Variants in WDR11 observed in about 807,000 individuals in gnomAD.
The protein encoded by WDR11 is WD repeat domain 11.
Under a neutral mutation model 151.2 loss-of-function variants are expected in WDR11, and 83 were observed. The ratio of observed to expected loss-of-function variants is 0.55; its 90% CI spans 0.46 to 0.66. The LOEUF is 0.66. Ranked by LOEUF, WDR11 falls within the 30% of genes least tolerant of loss-of-function variation. The pLI, the probability that WDR11 is intolerant of heterozygous loss-of-function variation, is 0.00. For missense variants in WDR11, 1,301 were observed against 1,480.9 expected (o/e 0.88, Z 1.99); for synonymous variants, 484 against 533.1 (o/e 0.91, Z 1.27).
At chr10:120,851,746 G>T in intron 1 of WDR11, 1 of 596,178 alleles carries the variant, frequency 1.7e-6, no homozygotes, top group South Asian at 1.9e-5. Flanking sequence ...TTTCTCTGCT[G>T]TTTTCTCTGC....
chr10:120,878,718 T>G (rs1289148595), intron 12 of WDR11, among the ~76,000 whole-genome samples: 2 of 152,204 alleles, frequency 1.3e-5, no homozygotes, highest in East Asian at 3.9e-4. Flanking sequence ...AGGATACCGG[T>G]TCTACTTTTA....
chr10:120,903,311 A>G (rs1847900815), intron 23 of WDR11, 79 bp downstream of exon 23: 2 of 1,526,544 alleles, frequency 1.3e-6, no homozygotes, highest in Non-Finnish European at 1.8e-6. Context: ...TAAACTTGGG[A>G]AACTTTCAAA....
intron 1 of WDR11, chr10:120,851,765 C>T (rs1192178496): frequency 3.5e-6 from 2 of 572,050 alleles, no homozygotes; most frequent in East Asian, 6.0e-5. Flanking sequence ...GCACCTCGCC[C>T]TTTTGCCGTT....
chr10:120,853,818 G>A (rs915958179), intron 2 of WDR11, among the ~76,000 whole-genome samples: 2 of 152,174 alleles, frequency 1.3e-5, no homozygotes, highest in African/African-American at 4.8e-5. Flanking sequence ...GAGAGTAAGA[G>A]AATAGAGTGA....
chr10:120,866,148 T>G (rs1846304610), intron 7 of WDR11, among the ~76,000 whole-genome samples: 1 of 152,144 alleles, frequency 6.6e-6, no homozygotes, highest in Non-Finnish European at 1.5e-5. Flanking sequence ...AGTCTTATCT[T>G]GGAGAATGGA....
At chr10:120,860,889 A>G (rs1311297910) in intron 4 of WDR11, among the ~76,000 whole-genome samples, 2 of 152,180 alleles carry the variant, frequency 1.3e-5, no homozygotes, top group Admixed American at 6.5e-5. Flanking sequence ...AGCTATTGCT[A>G]CTCTTCTGGG....
chr10:120,901,351 C>T (rs1847807677), intron 21 of WDR11, among the ~76,000 whole-genome samples: 1 of 152,162 alleles, frequency 6.6e-6, no homozygotes, highest in South Asian at 2.1e-4. Flanking sequence ...GATCTCACAT[C>T]AAGGCAGGAC....
At chr10:120,897,790 A>G (rs980325283) in intron 19 of WDR11, among the ~76,000 whole-genome samples, 1 of 152,198 alleles carries the variant, frequency 6.6e-6, no homozygotes, top group African/African-American at 2.4e-5. Flanking sequence ...ATTTTTAAAA[A>G]TAATACAGCT....
At chr10:120,888,400 C>T (rs552559718) in intron 16 of WDR11, among the ~76,000 whole-genome samples, 1 of 152,338 alleles carries the variant, frequency 6.6e-6, no homozygotes, top group African/African-American at 2.4e-5. Context: ...GACTGCAGAG[C>T]CCAGGCTGCT....
At position 120,885,842 on chromosome 10, in the gene WDR11, G is replaced by T; in HGVS notation, c.1877G>T (p.Ser626Ile). Residue 626 changes from serine to isoleucine, a missense_variant, in exon 15 of 29, where the codon AGC becomes ATC. Ser to Ile is a moderately radical substitution (Grantham distance 142). Coordinates refer to ENST00000263461, the MANE Select transcript of WDR11 (RefSeq NM_018117.12). ...TGGTCACCATCTCACAACTTGAAGAGCCTGAGAAAGAAGCAACTTGCAACT... is the reference window on the plus strand; with the variant it reads ...TGGTCACCATCTCACAACTTGAAGATCCTGAGAAAGAAGCAACTTGCAACT... ...LEWSPSHNLK[S>I]LRKKQLATRE... 1 of 1,613,792 alleles carries T rather than the reference G, an allele frequency of 6.2e-7. No homozygotes were observed. Among genetic ancestry groups the T allele is most frequent in the Non-Finnish European group, 8.5e-7 (1 of 1,179,814 alleles).
In WDR11 at chr10:120,908,599, GA is replaced by G; in HGVS notation, c.3563del (p.Lys1188ArgfsTer24). 1 of 1,614,226 alleles carries G rather than the reference GA, an allele frequency of 6.2e-7. No homozygotes were observed. Among genetic ancestry groups the G allele is most frequent in the Non-Finnish European group, 8.5e-7 (1 of 1,180,028 alleles). On this transcript the variant is annotated frameshift_variant, in exon 29 of 29. Transcript: ENST00000263461. LOFTEE classifies it high-confidence loss of function. Reference protein sequence around the residue: ...AIYADYARSLKNLGFKQGAVL... With the variant: ...AIYADYARSLXNLGFKQGAVL... ...TATATGCAGATTATGCCCGGAGTTT[GA>G]AGAACCTCGGTTTTAAGCAGGGAGC...
chr10:120,908,853 T>C lies in WDR11; in HGVS notation c.*140T>C. 2 of 888,418 alleles carry C rather than the reference T, an allele frequency of 2.3e-6. No homozygotes were observed. The highest frequency in any genetic ancestry group is 1.4e-5 in the South Asian group (1 of 71,574). 55.0% of individuals were successfully genotyped at this position (888,418 alleles called of 1,614,324 possible). ...TTGACCACTGTTCTAAGACTATGTG[T>C]GCCCAAAAGCACATAAGCATCTATG... On this transcript the variant is annotated 3_prime_UTR_variant, in exon 29 of 29. Coordinates refer to ENST00000263461, the MANE Select transcript of WDR11 (RefSeq NM_018117.12).
At chr10:120,900,163 T>C in intron 20 of WDR11, 26 bp downstream of exon 20, 1 of 1,586,994 alleles carries the variant, frequency 6.3e-7, no homozygotes, top group Non-Finnish European at 8.7e-7. Flanking sequence ...TTCTTTTTCT[T>C]TCATAATTTA....
At chr10:120,869,895 T>C (rs947632054) in intron 9 of WDR11, among the ~76,000 whole-genome samples, 2 of 152,198 alleles carry the variant, frequency 1.3e-5, no homozygotes, top group African/African-American at 4.8e-5. Flanking sequence ...GTTCAAGCGA[T>C]TCTCCTGCCT....
chr10:120,865,542 A>G, intron 6 of WDR11, 88 bp from the exon 7 acceptor site: 1 of 903,946 alleles, frequency 1.1e-6, no homozygotes, highest in Admixed American at 2.7e-5. Context: ...TCTTTTGCCC[A>G]TATTATCTAA....
In WDR11 at chr10:120,905,360, G is replaced by T; in HGVS notation, c.3235G>T (p.Ala1079Ser). Residue 1079 changes from alanine to serine, a missense_variant, in exon 26 of 29, where the codon GCC (alanine) becomes TCC (serine). This residue lies in a region of WDR11 where 589 missense variants were observed against 670.6 expected (regional missense o/e 0.88). Transcript: ENST00000263461. ...CTGCCTGATAGATAAGGCTGCAGAC[G>T]CCTGCCGCTACCTGCAGACATACGG... ...LLCLIDKAAD[A>S]CRYLQTYGEW... The T allele has an allele frequency of 1.9e-6, 3 of 1,612,876 alleles. No homozygotes were observed. Among genetic ancestry groups the T allele is most frequent in the Non-Finnish European group, 2.5e-6 (3 of 1,179,930 alleles).
intron 6 of WDR11, 48 bp downstream of exon 6, chr10:120,865,260 A>G (rs1230942336): frequency 7.0e-6 from 11 of 1,578,078 alleles, no homozygotes; most frequent in African/African-American, 1.4e-5. Flanking sequence ...TAAGAATGTT[A>G]TATTAAAAGA....
At chr10:120,885,346 TAAC>T (rs1208427422) in intron 14 of WDR11, among the ~76,000 whole-genome samples, 1 of 151,360 alleles carries the variant, frequency 6.6e-6, no homozygotes, top group Non-Finnish European at 1.5e-5. Flanking sequence ...AATTAGATAA[TAAC>T]TACATGTTAA....
At position 120,904,733 on chromosome 10, in the gene WDR11, A is replaced by G. The variant is rs754790068; in HGVS notation, c.3115A>G (p.Thr1039Ala). 5 of 1,614,134 alleles carry G rather than the reference A, an allele frequency of 3.1e-6. No individual in the cohort carries two copies. The South Asian group carries it at 4.4e-5, about 14-fold the overall frequency. Residue 1039 changes from threonine to alanine, a missense_variant, in exon 25 of 29, where the codon ACT (threonine) becomes GCT (alanine). Thr to Ala is a moderately conservative substitution (Grantham distance 58). Coordinates refer to ENST00000263461, the MANE Select transcript of WDR11 (RefSeq NM_018117.12). ...TTCACTGAAAGCCTGTTTAGTCACT[A>G]CTGTCACCTCGTCAGGCCCCTCTCA... Reference protein sequence around the residue: ...CDSLKACLVTTVTSSGPSQST... With the variant: ...CDSLKACLVTAVTSSGPSQST...
Sources: allele counts gnomAD v4.1 joint callset (sites outside exome capture counted in the v4.1 genomes callset), GRCh38; gene constraint gnomAD v4.1.1; regional missense constraint gnomAD v4.1.1; transcripts MANE v1.5; gene names NCBI Gene and HGNC (gene_info 2026-07-23, HGNC 2026-07-21).